NAV2: variants seen among roughly 807,000 people sequenced by gnomAD.
The protein encoded by NAV2 is helicase, APC down-regulated 1.
Under a neutral mutation model 223.2 loss-of-function variants are expected in NAV2, and 54 were observed. The ratio of observed to expected loss-of-function variants is 0.24; its 90% CI spans 0.19 to 0.30. The LOEUF is 0.30. NAV2 is among the 10% of genes least tolerant of loss of function. The pLI is 1.00. For missense variants in NAV2, 2,806 were observed against 3,147.5 expected (o/e 0.89, Z 2.60); for synonymous variants, 1,279 against 1,239.3 (o/e 1.03, Z -0.67).
intron 1 of NAV2, among the ~76,000 whole-genome samples, chr11:19,547,168 A>C (rs1416400229): frequency 6.6e-6 from 1 of 152,198 alleles, no homozygotes; most frequent in Non-Finnish European, 1.5e-5. Flanking sequence ...GCCCCACTGG[A>C]ACTCTGGAGG....
rs1240857639 is a variant in NAV2 at position 20,092,207 on chromosome 11, G to A, written c.5654G>A (p.Ser1885Asn). ...GAGCTTCTCCATTACTCTTTGCAGA[G>A]TGAAATAGAGAAGCTGAAAGCTGAG... The part of the protein sequence containing the change: ...QLREAMNRMQ[S>N]EIEKLKAEND... Residue 1885 changes from serine (S) to asparagine (N), a missense_variant and splice_region_variant, in exon 28 of 38, where the codon AGT becomes AAT. Around this residue, in one of 4 missense-constraint regions of NAV2, gnomAD observed 824 missense variants for 1,069.4 expected, o/e 0.77. Coordinates refer to ENST00000349880, the MANE Select transcript of NAV2 (RefSeq NM_145117.5). 1 of 1,614,136 alleles carries A rather than the reference G, an allele frequency of 6.2e-7. No homozygotes were observed. Among genetic ancestry groups the A allele is most frequent in the African/African-American group, 1.3e-5 (1 of 75,066 alleles).
intron 1 of NAV2, among the ~76,000 whole-genome samples, chr11:19,670,306 C>T (rs1452509111): frequency 6.6e-6 from 1 of 152,116 alleles, no homozygotes; most frequent in Non-Finnish European, 1.5e-5. Flanking sequence ...TAACTCTGAT[C>T]TCCCCGGGCC....
chr11:19,604,266 C>T (rs915852354), intron 1 of NAV2, among the ~76,000 whole-genome samples: 68 of 152,034 alleles, frequency 4.5e-4, no homozygotes, highest in African/African-American at 1.6e-3. Context: ...GAGGCTACTG[C>T]AACAGTTAGG....
At chr11:19,710,322 C>T (rs772308114), upstream of NAV2, among the ~76,000 whole-genome samples, 57 of 152,214 alleles carry the variant, frequency 3.7e-4, no homozygotes, top group Non-Finnish European at 6.9e-4. Flanking sequence ...GACATGAGAA[C>T]TTACTCGGAA....
At chr11:20,110,091 C>G (rs752789400) in intron 36 of NAV2, among the ~76,000 whole-genome samples, 1 of 152,180 alleles carries the variant, frequency 6.6e-6, no homozygotes, top group Non-Finnish European at 1.5e-5. Flanking sequence ...AAAGTGAGGC[C>G]CCAGCCATCT....
intron 11 of NAV2, among the ~76,000 whole-genome samples, chr11:20,034,311 G>T (rs1195361725): frequency 6.7e-6 from 1 of 149,744 alleles, no homozygotes. Context: ...CTGCTTTATT[G>T]TCTACGTGAC....
intron 1 of NAV2, among the ~76,000 whole-genome samples, chr11:19,746,147 C>T (rs2053320121): frequency 6.6e-6 from 1 of 152,190 alleles, no homozygotes; most frequent in Non-Finnish European, 1.5e-5. Flanking sequence ...AATGCAGCCT[C>T]GGCCCACTTC....
chr11:19,924,305 A>C (rs1025211647), intron 6 of NAV2, among the ~76,000 whole-genome samples: 18 of 151,664 alleles, frequency 1.2e-4, no homozygotes, highest in South Asian at 4.2e-4. Context: ...TAAAAAAAAA[A>C]AAAAAACAAA....
intron 1 of NAV2, chr11:19,511,454 G>A (rs180743181): frequency 2.6e-5 from 4 of 152,348 alleles, no homozygotes; most frequent in South Asian, 2.1e-4. Flanking sequence ...TGAATACAGA[G>A]TTTTCTGGGG....
chr11:20,079,966 G>A (rs2059988850), intron 24 of NAV2, 98 bp from the exon 25 acceptor site: 1 of 1,382,482 alleles, frequency 7.2e-7, no homozygotes, highest in Non-Finnish European at 9.9e-7. Context: ...ACACCCAGTA[G>A]TCCTCAGGTG....
At chr11:20,017,129 G>C (rs573479259) in intron 11 of NAV2, among the ~76,000 whole-genome samples, 1 of 152,132 alleles carries the variant, frequency 6.6e-6, no homozygotes, top group East Asian at 1.9e-4. Context: ...AGGAATGGGG[G>C]AGATGCAGAG....
intron 1 of NAV2, among the ~76,000 whole-genome samples, chr11:19,449,714 G>A (rs1472124375): frequency 1.3e-5 from 2 of 152,154 alleles, no homozygotes; most frequent in African/African-American, 4.8e-5. Context: ...ACCAGGTTGT[G>A]TGCCCCTTGA....
intron 2 of NAV2, among the ~76,000 whole-genome samples, chr11:19,841,374 G>C (rs533829308): frequency 6.6e-6 from 1 of 152,256 alleles, no homozygotes; most frequent in South Asian, 2.1e-4. Flanking sequence ...TTGGAGGCTT[G>C]GGACACTTTG....
chr11:19,491,393 G>C (rs936143220), intron 1 of NAV2, among the ~76,000 whole-genome samples: 2 of 152,200 alleles, frequency 1.3e-5, no homozygotes, highest in Non-Finnish European at 1.5e-5. Flanking sequence ...ATGTTAGCTA[G>C]AACTTCTGGA....
At position 19,464,015 on chromosome 11, in the gene NAV2, G is replaced by A. The variant is rs80250403; in HGVS notation, c.75+112988G>A. ...GAAAAGAAGCCAATAGGCAAGAAATGTTTCTCCTCTGTGTGAAAATCCTCG... is the reference window on the plus strand; with the variant it reads ...GAAAAGAAGCCAATAGGCAAGAAATATTTCTCCTCTGTGTGAAAATCCTCG... On this transcript the variant is annotated intron_variant, in intron 1 of 37. Coordinates refer to the NAV2 transcript ENST00000360655. Among the ~76,000 whole-genome samples, 512 of 152,304 alleles carry A rather than the reference G, an allele frequency of 3.4e-3. 4 individuals are homozygous for A. The highest frequency in any genetic ancestry group is 0.012 in the African/African-American group (482 of 41,562).
intron 31 of NAV2, among the ~76,000 whole-genome samples, chr11:20,098,572 G>T (rs570001433): frequency 1.1e-4 from 17 of 152,312 alleles, no homozygotes; most frequent in African/African-American, 3.6e-4. Flanking sequence ...CAGTTTTGCA[G>T]TTGTTTGATG....
chr11:19,817,836 C>T (rs975998381), intron 1 of NAV2, among the ~76,000 whole-genome samples: 1 of 152,154 alleles, frequency 6.6e-6, no homozygotes, highest in Non-Finnish European at 1.5e-5. Flanking sequence ...TACTAGGAAG[C>T]GGAACTTGGC....
chr11:20,068,050 A>T, intron 20 of NAV2, 136 bp from the exon 21 acceptor site: 1 of 805,170 alleles, frequency 1.2e-6, no homozygotes, highest in South Asian at 1.7e-5. Flanking sequence ...CAGTTTTTCC[A>T]GAGAAATACA....
chr11:20,088,497 G>A (rs1275257590), intron 26 of NAV2, among the ~76,000 whole-genome samples: 1 of 152,224 alleles, frequency 6.6e-6, no homozygotes. Context: ...TCAACATCAT[G>A]TCTACGTTAT....
Sources: allele counts gnomAD v4.1 joint callset (sites outside exome capture counted in the v4.1 genomes callset), GRCh38; gene constraint gnomAD v4.1.1; regional missense constraint gnomAD v4.1.1; transcripts MANE v1.5; gene names NCBI Gene and HGNC (gene_info 2026-07-23, HGNC 2026-07-21).